Variants in TAB1 observed in about 807,000 individuals in gnomAD.
The protein encoded by TAB1 is TGF-beta activated kinase 1 (MAP3K7) binding protein 1.
In TAB1, 30 loss-of-function variants were observed where a neutral mutation model predicts 54.5. The ratio of observed to expected loss-of-function variants is 0.55; its 90% CI spans 0.41 to 0.75. TAB1 has a LOEUF of 0.75. Among genes scored for constraint, TAB1 ranks in the 30% least tolerant of loss-of-function variants. TAB1 has a pLI of 0.00. For synonymous variants in TAB1, 289 were observed against 286.9 expected (o/e 1.01, Z -0.07); for missense variants, 609 against 683.2 (o/e 0.89, Z 1.21).
chr22:39,399,812 C>T lies in TAB1; in HGVS notation c.10C>T (p.Gln4Ter), dbSNP rs1198639065. The change falls in exon 1 of 11, where the codon CAG (glutamine) becomes TAG (stop). Residue 4 changes from glutamine (Q) to a stop codon, truncating the protein, a stop_gained. Transcript: ENST00000216160. LOFTEE classifies it high-confidence loss of function. The part of the protein sequence containing the change: MAA[Q>*]RRSLLQSEQQ... The stretch of plus-strand genomic sequence containing the variant: ...CAGGGGTTCCTCCAAGATGGCGGCG[C>T]AGAGGAGGAGCTTGCTGCAGAGTGT... 1 of 1,596,952 alleles carries T rather than the reference C, an allele frequency of 6.3e-7. No individual in the cohort carries two copies. Among genetic ancestry groups the T allele is most frequent in the Non-Finnish European group, 8.5e-7 (1 of 1,172,328 alleles).
downstream of TAB1, chr22:39,436,385 C>T (rs1050000017): frequency 9.4e-6 from 8 of 853,664 alleles, no homozygotes; most frequent in Admixed American, 1.9e-5. Flanking sequence ...AGTTGGTATC[C>T]GTGGCCTCAG....
At chr22:39,422,501 C>A (rs1170618391) in intron 8 of TAB1, among the ~76,000 whole-genome samples, 1 of 150,846 alleles carries the variant, frequency 6.6e-6, no homozygotes, top group Non-Finnish European at 1.5e-5. Flanking sequence ...CTCCGCCTCC[C>A]GGGTTCAAGC....
chr22:39,407,434 G>A (rs1926412390), intron 1 of TAB1, among the ~76,000 whole-genome samples: 1 of 151,668 alleles, frequency 6.6e-6, no homozygotes, highest in South Asian at 2.1e-4. Context: ...CCAGTTCTGT[G>A]TGAAGTAATA....
downstream of TAB1, chr22:39,433,862 G>T (rs1927680689): frequency 5.1e-6 from 5 of 977,588 alleles, no homozygotes; most frequent in Non-Finnish European, 6.1e-6. Context: ...TCTGGAAAGA[G>T]CCCTTCCCTG....
Position 39,422,400 on chromosome 22 carries a change from C to CTTTTTTTTTTT in TAB1, c.921+445_921+455dup, listed in dbSNP as rs965591327. Among the ~76,000 whole-genome samples the CTTTTTTTTTTT allele has an allele frequency of 2.1e-4, 19 of 88,520 alleles. 1 individual carries two copies. Among genetic ancestry groups the CTTTTTTTTTTT allele is most frequent in the Non-Finnish European group, 3.6e-4 (16 of 44,790 alleles). The allele number at this position is 88,520 out of a possible 152,430, so 58.1% of individuals were successfully genotyped here. On this transcript the variant is annotated intron_variant, in intron 8 of 10. Coordinates refer to ENST00000216160, the MANE Select transcript of TAB1 (RefSeq NM_006116.3). The stretch of plus-strand genomic sequence containing the variant: ...ACAATTTATAGTTTGCTTCTCATTT[C>CTTTTTTTTTTT]TTTTTTTTTTTTTTTTTTTTTTTTT...
downstream of TAB1, among the ~76,000 whole-genome samples, chr22:39,434,292 A>C (rs548588930): frequency 9.2e-5 from 14 of 152,368 alleles, no homozygotes; most frequent in South Asian, 2.9e-3. Context: ...ATGAGGGCTC[A>C]GCCTGGGCCC....
In TAB1 at chr22:39,415,456, GA is replaced by G. The variant is rs767929398; in HGVS notation, c.171-43del. 8 of 1,597,218 alleles carry G rather than the reference GA, an allele frequency of 5.0e-6. No homozygotes were observed. The Middle Eastern group carries it at 5.0e-4, about 100-fold the overall frequency. On this transcript the variant is annotated intron_variant, in intron 2 of 10. Coordinates refer to ENST00000216160, the MANE Select transcript of TAB1 (RefSeq NM_006116.3). The surrounding 1 kb of genome is among the most constrained non-coding windows in gnomAD (Gnocchi z 4.9). ...TTTCCCTTTCTCCCTCCACCTCCGT[GA>G]GACCCTGGTCTCAGGCCTCCCTCTG...
Position 39,419,519 on chromosome 22 carries a change from G to A in TAB1, c.665G>A (p.Gly222Asp). ...EDELFRLSQLGLDAGKIKQVG... is the reference protein window; with the variant it reads ...EDELFRLSQLDLDAGKIKQVG... ...ATTGTTGCACTGTTTCCCTCCGTAG[G>A]CTTGGATGCTGGAAAGATCAAGCAG... Residue 222 changes from glycine (G) to aspartate (D), a missense_variant and splice_region_variant, in exon 7 of 11, where the codon GGC becomes GAC. Gly to Asp is a moderately conservative substitution (Grantham distance 94). Transcript: ENST00000216160. The A allele has an allele frequency of 6.2e-7, 1 of 1,604,154 alleles. No individual in the cohort carries two copies. The highest frequency in any genetic ancestry group is 1.3e-5 in the African/African-American group (1 of 74,664).
chr22:39,402,491 A>C (rs1290335266), intron 1 of TAB1, among the ~76,000 whole-genome samples: 1 of 152,098 alleles, frequency 6.6e-6, no homozygotes, highest in African/African-American at 2.4e-5. Context: ...TTGGTAGATC[A>C]CTTGGTGGGA....
At position 39,430,333 on chromosome 22, in the gene TAB1, C is replaced by A; in HGVS notation, c.*111C>A. The A allele has an allele frequency of 6.5e-7, 1 of 1,538,408 alleles. No homozygotes were observed. Among genetic ancestry groups the A allele is most frequent in the Non-Finnish European group, 8.7e-7 (1 of 1,146,984 alleles). ...CGGCCAGCAGGTGCCCCATCCTCTGCCCACAGCAGACTCTGTCCCATGGCT... is the reference window on the plus strand; with the variant it reads ...CGGCCAGCAGGTGCCCCATCCTCTGACCACAGCAGACTCTGTCCCATGGCT... On this transcript the variant is annotated 3_prime_UTR_variant, in exon 11 of 11. Coordinates refer to ENST00000216160, the MANE Select transcript of TAB1 (RefSeq NM_006116.3).
chr22:39,417,251 T>C (rs1169713083), intron 4 of TAB1, among the ~76,000 whole-genome samples: 1 of 152,044 alleles, frequency 6.6e-6, no homozygotes, highest in Non-Finnish European at 1.5e-5. Context: ...CCTGGAGCTG[T>C]AGCGAAGGCT....
Position 39,417,839 on chromosome 22 carries a change from C to T in TAB1, c.540C>T (p.Val180=), listed in dbSNP as rs140598269. The T allele has an allele frequency of 2.8e-4, 444 of 1,607,252 alleles. 6 individuals are homozygous for T. In the East Asian group the frequency reaches 8.2e-3, roughly 30 times the overall value. ...TCCTTCTCAACAACAAGCTCTACGT[C>T]GCCAATGTCGGTGAGCCCCCTCCTG... ...VAVLLNNKLY[V]ANVGTNRALL... is the part of the protein sequence containing the mutation. The change falls in exon 5 of 11, where the codon GTC becomes GTT. Residue 180 remains valine (V), a synonymous_variant. Coordinates refer to ENST00000216160, the MANE Select transcript of TAB1 (RefSeq NM_006116.3).
intron 10 of TAB1, among the ~76,000 whole-genome samples, 181 bp downstream of exon 10, chr22:39,428,364 T>TG (rs1270157987): frequency 6.6e-6 from 1 of 152,352 alleles, no homozygotes; most frequent in East Asian, 1.9e-4. Context: ...GTGCGATTTT[T>TG]GGTCAGGTGG....
intron 8 of TAB1, among the ~76,000 whole-genome samples, chr22:39,424,077 C>T (rs1927213630): frequency 6.6e-6 from 1 of 152,222 alleles, no homozygotes; most frequent in Admixed American, 6.5e-5. Context: ...TCATTTAGCT[C>T]CCACTTACGA....
intron 8 of TAB1, among the ~76,000 whole-genome samples, chr22:39,423,930 C>T (rs1225056578): frequency 6.6e-6 from 1 of 151,746 alleles, no homozygotes; most frequent in East Asian, 1.9e-4. Context: ...TTATAGTGTA[C>T]GTTGTAACTA....
At chr22:39,403,925 T>A (rs1336595697) in intron 1 of TAB1, among the ~76,000 whole-genome samples, 3 of 152,100 alleles carry the variant, frequency 2.0e-5, no homozygotes, top group African/African-American at 7.2e-5. Context: ...ATTACAGGCG[T>A]GAGCCACCGT....
chr22:39,424,701 G>T (rs1364022146), intron 8 of TAB1, among the ~76,000 whole-genome samples: 1 of 152,006 alleles, frequency 6.6e-6, no homozygotes, highest in East Asian at 1.9e-4. Flanking sequence ...ACCTGCCTTG[G>T]CCTCCCAAAG....
At chr22:39,421,992 C>A in intron 8 of TAB1, 21 bp downstream of exon 8, 3 of 1,511,202 alleles carry the variant, frequency 2.0e-6, no homozygotes, top group Non-Finnish European at 2.6e-6. Flanking sequence ...CCCAGCCACG[C>A]CCATGGCCGG....
In TAB1 at chr22:39,420,967, ACCCAGGTGCTGGTGTGTCCTGCCCCT is replaced by A. The variant is rs869108322; in HGVS notation, c.777-785_777-760del. On this transcript the variant is annotated intron_variant, in intron 7 of 10. Coordinates refer to ENST00000216160, the MANE Select transcript of TAB1 (RefSeq NM_006116.3). Reference sequence around the variant, plus strand: ...AAGGAGCCTGCATCCTTTTCGGAACACCCAGGTGCTGGTGTGTCCTGCCCCTCCCAGGTGCTGGTGTGTCCTGCCCC... The same window carrying A: ...AAGGAGCCTGCATCCTTTTCGGAACACCCAGGTGCTGGTGTGTCCTGCCCC... Among the ~76,000 whole-genome samples the A allele has an allele frequency of 5.1e-3, 725 of 141,054 alleles. 16 individuals carry two copies. The highest frequency in any genetic ancestry group is 0.013 in the African/African-American group (457 of 36,196). 92.5% of individuals were successfully genotyped at this position (141,054 alleles called of 152,430 possible).
Sources: gnomAD v4.1 joint callset for allele counts (sites outside exome capture counted in the v4.1 genomes callset) on GRCh38, gnomAD v4.1.1 for gene constraint, Gnocchi (gnomAD v3.1) non-coding constraint, MANE v1.5 for transcripts, NCBI Gene and HGNC (gene_info 2026-07-23, HGNC 2026-07-21) for gene names.